NME7: variants seen among roughly 807,000 people sequenced by gnomAD.
NME7 encodes the protein NME/NM23 family member 7.
A neutral mutation model predicts 49.1 loss-of-function variants in NME7; 41 were observed. That is an observed-to-expected ratio of 0.83 (90% CI 0.65 to 1.08). NME7 has a LOEUF of 1.08. NME7 is among the 50% of genes least tolerant of loss of function. The probability of loss-of-function intolerance (pLI) is 0.00; values close to 1 mark genes in which losing one functional copy is unlikely to be tolerated. For synonymous variants in NME7, 139 were observed against 150.6 expected (o/e 0.92, Z 0.56); for missense variants, 423 against 463.4 (o/e 0.91, Z 0.80).
At chr1:169,154,481 T>C (rs541709743) in intron 11 of NME7, among the ~76,000 whole-genome samples, 6 of 152,154 alleles carry the variant, frequency 3.9e-5, no homozygotes, top group Non-Finnish European at 8.8e-5. Context: ...GAACTCAATA[T>C]TATAAAAAAA....
intron 1 of NME7, among the ~76,000 whole-genome samples, chr1:169,359,355 GCTGTAGTTCTTAAAA>G (rs1653576409): frequency 6.6e-6 from 1 of 151,664 alleles, no homozygotes; most frequent in Non-Finnish European, 1.5e-5. Flanking sequence ...CCCAGGGCTG[GCTGTAGTTCTTAAAA>G]CTGATCTGGA....
chr1:169,313,208 A>G (rs1333310214), intron 3 of NME7, among the ~76,000 whole-genome samples: 3 of 39,920 alleles, frequency 7.5e-5, no homozygotes, highest in East Asian at 3.7e-3. Flanking sequence ...GACAAAAGTG[A>G]AAAAAAAAAA....
At chr1:169,347,608 C>T (rs1023993576) in intron 1 of NME7, among the ~76,000 whole-genome samples, 1 of 152,108 alleles carries the variant, frequency 6.6e-6, no homozygotes, top group African/African-American at 2.4e-5. Flanking sequence ...CTCTCCTGTG[C>T]TCCCTCCTCT....
chr1:169,169,154 G>C, intron 11 of NME7: 1 of 423,278 alleles, frequency 2.4e-6, no homozygotes, highest in Middle Eastern at 3.5e-4. Flanking sequence ...ATCATCAGAT[G>C]GCCAAGTAAC....
chr1:169,228,662 C>T (rs1289036234), intron 10 of NME7, among the ~76,000 whole-genome samples: 2 of 134,450 alleles, frequency 1.5e-5, no homozygotes, highest in African/African-American at 2.9e-5. Context: ...CCGGCCTGGG[C>T]GACAGAGCGA....
At chr1:169,188,192 G>C (rs931504193) in intron 10 of NME7, among the ~76,000 whole-genome samples, 21 of 151,938 alleles carry the variant, frequency 1.4e-4, no homozygotes, top group Non-Finnish European at 1.5e-5. Context: ...TATTTTGTAC[G>C]AAGTTCATCT....
chr1:169,219,536 A>G (rs563226347), intron 10 of NME7, among the ~76,000 whole-genome samples: 1 of 151,430 alleles, frequency 6.6e-6, no homozygotes, highest in South Asian at 2.1e-4. Context: ...AGCATTCTGT[A>G]CTTCTCACTA....
At chr1:169,177,612 C>T (rs1659790917) in intron 10 of NME7, among the ~76,000 whole-genome samples, 1 of 152,030 alleles carries the variant, frequency 6.6e-6, no homozygotes, top group Non-Finnish European at 1.5e-5. Flanking sequence ...CACAGCAAGA[C>T]CCTGTCTCTT....
At chr1:169,358,022 C>T (rs1422201588) in intron 1 of NME7, among the ~76,000 whole-genome samples, 2 of 151,970 alleles carry the variant, frequency 1.3e-5, no homozygotes, top group South Asian at 2.1e-4. Context: ...CTTTTACCAG[C>T]TTTTTCTTAT....
intron 1 of NME7, among the ~76,000 whole-genome samples, chr1:169,355,325 T>TATATTGTATATTATATAC (rs1653423016): frequency 2.1e-5 from 2 of 96,910 alleles, no homozygotes; most frequent in African/African-American, 8.1e-5. Flanking sequence ...ATATTATATA[T>TATATTGTATATTATATAC]AATATATTGT....
At chr1:169,239,535 AAAC>A (rs1311647831) in intron 7 of NME7, among the ~76,000 whole-genome samples, 1 of 152,072 alleles carries the variant, frequency 6.6e-6, no homozygotes, top group Non-Finnish European at 1.5e-5. Context: ...TAGAAACCCA[AAAC>A]ATACTAAATA....
chr1:169,361,972 C>G lies in NME7; in HGVS notation c.3+5736G>C, dbSNP rs149222414. On this transcript the variant is annotated intron_variant, in intron 1 of 11. Coordinates refer to ENST00000367811, the MANE Select transcript of NME7 (RefSeq NM_013330.5). ...CCTGTAATCCCAGCACTTGGGGAAG[C>G]CGAGGCAAGTGGATCACTTGAGGTC... 4.3e-3 allele frequency among the ~76,000 whole-genome samples: 658 copies of G among 152,144 alleles called. 7 individuals are homozygous for G. Among genetic ancestry groups the G allele is most frequent in the African/African-American group, 0.015 (627 of 41,504 alleles).
intron 4 of NME7, 97 bp downstream of exon 4, chr1:169,309,873 C>T (rs766919937): frequency 1.9e-5 from 14 of 718,126 alleles, no homozygotes; most frequent in African/African-American, 3.7e-5. Flanking sequence ...TCATTCAATA[C>T]GAGGTTTTTT....
intron 6 of NME7, among the ~76,000 whole-genome samples, chr1:169,294,466 G>A (rs1011240191): frequency 1.3e-5 from 2 of 152,148 alleles, no homozygotes; most frequent in Admixed American, 6.5e-5. Context: ...GTAAAATCTG[G>A]AAAGATGGAA....
chr1:169,341,965 G>T (rs1023165878), intron 1 of NME7, among the ~76,000 whole-genome samples: 8 of 152,166 alleles, frequency 5.3e-5, no homozygotes, highest in African/African-American at 1.7e-4. Context: ...CCTTGTCTCA[G>T]ATGAGACTTT....
intron 11 of NME7, among the ~76,000 whole-genome samples, chr1:169,141,555 TGA>T (rs77169564): frequency 0.042 from 6,361 of 152,320 alleles, 208 homozygotes; most frequent in East Asian, 0.13. Context: ...GCTGATATGC[TGA>T]GTGTCCTCAT....
intron 10 of NME7, among the ~76,000 whole-genome samples, chr1:169,197,549 TA>T (rs772419269): frequency 3.3e-5 from 5 of 152,060 alleles, no homozygotes; most frequent in Non-Finnish European, 7.4e-5. Flanking sequence ...AGCTCAGAAA[TA>T]AATATATACA....
intron 1 of NME7, among the ~76,000 whole-genome samples, chr1:169,328,803 C>A (rs1026858917): frequency 6.6e-6 from 1 of 152,142 alleles, no homozygotes; most frequent in Non-Finnish European, 1.5e-5. Flanking sequence ...ATAACACTAT[C>A]TGTTGCACAT....
intron 4 of NME7, 78 bp from the exon 5 acceptor site, chr1:169,303,273 T>G: frequency 1.6e-6 from 1 of 631,964 alleles, no homozygotes; most frequent in Non-Finnish European, 2.5e-6. Flanking sequence ...TTAATAAAAT[T>G]AAGATAAAAT....
Sources: gnomAD v4.1 joint callset for allele counts (sites outside exome capture counted in the v4.1 genomes callset) on GRCh38, gnomAD v4.1.1 for gene constraint, MANE v1.5 for transcripts, NCBI Gene and HGNC (gene_info 2026-07-23, HGNC 2026-07-21) for gene names.